Variants in DMD observed in about 807,000 individuals in gnomAD.
DMD encodes the protein dystrophin.
DMD carries 63 observed loss-of-function variants against 330.1 expected under a neutral mutation model. That is an observed-to-expected ratio of 0.19 (90% CI 0.16 to 0.24). DMD has a LOEUF of 0.24. Among genes scored for constraint, DMD ranks in the 10% least tolerant of loss-of-function variants. DMD has a pLI of 1.00. For synonymous variants in DMD, 1,223 were observed against 959.8 expected (o/e 1.27, Z -5.07); for missense variants, 3,344 against 2,684.1 (o/e 1.25, Z -5.43).
At chrX:31,230,825 C>T (rs769670682) in intron 63 of DMD, among the ~76,000 whole-genome samples, 1 of 111,964 alleles carries the variant, frequency 8.9e-6, no homozygotes, top group East Asian at 2.8e-4. Context: ...ATTTCTGGCT[C>T]CCTCCTCTTG....
chrX:32,342,944 T>C (rs1327307042), intron 40 of DMD, 190 bp downstream of exon 40: 8 of 495,935 alleles, frequency 1.6e-5, no homozygotes, highest in Non-Finnish European at 2.8e-5. Flanking sequence ...ATTTTATTCA[T>C]TCAACATTAC....
chrX:33,096,466 G>T lies in DMD; in HGVS notation c.32-76266C>A, dbSNP rs763850409. ...TTAAAATGTTTCAGAGAGATAATGC[G>T]ATCTGTTTGAAGCCATGCTATATTT... On this transcript the variant is annotated intron_variant, in intron 1 of 78. Coordinates refer to ENST00000357033, the MANE Select transcript of DMD (RefSeq NM_004006.3). 3.7e-5 allele frequency among the ~76,000 whole-genome samples: 4 copies of T among 109,498 alleles called. No individual in the cohort carries two copies. In the South Asian group the frequency reaches 1.5e-3, roughly 42 times the overall value.
At chrX:32,252,907 CATAAATATATATAGATAT>C (rs1173692839) in intron 43 of DMD, among the ~76,000 whole-genome samples, 6 of 63,054 alleles carry the variant, frequency 9.5e-5, no homozygotes, top group Non-Finnish European at 1.4e-4. Flanking sequence ...TAAATATATA[CATAAATATATATAGATAT>C]ATAAATATAT....
chrX:32,031,308 C>G (rs1025344155), intron 44 of DMD, among the ~76,000 whole-genome samples: 9 of 111,393 alleles, frequency 8.1e-5, no homozygotes, highest in African/African-American at 2.9e-4. Flanking sequence ...TCCCAGAAAC[C>G]TTTGCAGTAG....
At chrX:32,268,100 C>T (rs2124745) in intron 43 of DMD, among the ~76,000 whole-genome samples, 9 of 110,146 alleles carry the variant, frequency 8.2e-5, no homozygotes, top group African/African-American at 1.0e-4. Flanking sequence ...AACACAAATA[C>T]GCAGAAGAGT....
intron 7 of DMD, among the ~76,000 whole-genome samples, chrX:32,787,418 C>T (rs2075477468): frequency 9.1e-6 from 1 of 110,394 alleles, no homozygotes; most frequent in Admixed American, 9.7e-5. Context: ...GACCAGAAAA[C>T]CAGAATGAGT....
chrX:31,796,794 C>T (rs1055033929), intron 50 of DMD, among the ~76,000 whole-genome samples: 2 of 111,448 alleles, frequency 1.8e-5, no homozygotes, highest in Non-Finnish European at 3.8e-5. Context: ...TAATGCCCTT[C>T]CTGGGGGCAG....
chrX:32,620,284 C>G (rs1344757298), intron 11 of DMD, among the ~76,000 whole-genome samples: 4 of 111,935 alleles, frequency 3.6e-5, no homozygotes, highest in Non-Finnish European at 7.5e-5. Flanking sequence ...ACCACTCACA[C>G]TCTTCATATA....
At chrX:32,717,685 T>A (rs1000011193) in intron 7 of DMD, among the ~76,000 whole-genome samples, 14 of 110,694 alleles carry the variant, frequency 1.3e-4, no homozygotes, top group African/African-American at 4.6e-4. Context: ...GTCTCTCCAG[T>A]GACAGTTTGC....
intron 44 of DMD, among the ~76,000 whole-genome samples, chrX:32,054,193 C>CTT (rs752962567): frequency 1.0e-3 from 99 of 94,737 alleles, no homozygotes; most frequent in African/African-American, 3.5e-3. Flanking sequence ...GTATTTTCTT[C>CTT]TTTTTTTTTT....
intron 29 of DMD, among the ~76,000 whole-genome samples, chrX:32,424,182 A>G (rs2098202090): frequency 9.1e-6 from 1 of 110,279 alleles, no homozygotes; most frequent in Non-Finnish European, 1.9e-5. Context: ...GAGGTCTGCC[A>G]TAATAGTCTG....
intron 1 of DMD, among the ~76,000 whole-genome samples, chrX:33,240,994 T>C (rs73623931): frequency 0.17 from 18,772 of 111,540 alleles, 2,358 homozygotes; most frequent in African/African-American, 0.44. Flanking sequence ...AAATATTTCA[T>C]CCCATTCTGT....
At chrX:31,986,669 C>T (rs182462578) in intron 44 of DMD, among the ~76,000 whole-genome samples, 3 of 111,948 alleles carry the variant, frequency 2.7e-5, no homozygotes, top group African/African-American at 9.7e-5. Context: ...CTTGGCCTCC[C>T]GAAGTGCTGG....
intron 2 of DMD, among the ~76,000 whole-genome samples, chrX:32,852,014 C>T (rs560191286): frequency 9.0e-6 from 1 of 111,434 alleles, no homozygotes; most frequent in African/African-American, 3.3e-5. Flanking sequence ...GTCTTGGTGT[C>T]GTGCTGGACT....
intron 43 of DMD, among the ~76,000 whole-genome samples, chrX:32,239,284 C>T (rs1722362045): frequency 8.9e-6 from 1 of 112,118 alleles, no homozygotes; most frequent in African/African-American, 3.2e-5. Flanking sequence ...GCTATTTATA[C>T]TGCTTTATGA....
chrX:33,198,152 T>C (rs1260529147), intron 1 of DMD, among the ~76,000 whole-genome samples: 2 of 111,385 alleles, frequency 1.8e-5, no homozygotes, highest in Admixed American at 1.9e-4. Flanking sequence ...CATTGTAGTG[T>C]TAATTTGCAT....
chrX:31,562,419 C>T (rs964223463), intron 55 of DMD, among the ~76,000 whole-genome samples: 4 of 111,977 alleles, frequency 3.6e-5, no homozygotes, highest in African/African-American at 9.7e-5. Flanking sequence ...CAGCAATTTG[C>T]GTTTCATCTG....
At chrX:33,275,200 A>T (rs1033019551) in intron 1 of DMD, among the ~76,000 whole-genome samples, 5 of 112,240 alleles carry the variant, frequency 4.5e-5, no homozygotes, top group African/African-American at 1.6e-4. Flanking sequence ...AGCCTAGTAA[A>T]TGTCATTCTT....
chrX:31,493,975 G>T (rs754801725), intron 57 of DMD, among the ~76,000 whole-genome samples: 1 of 110,194 alleles, frequency 9.1e-6, no homozygotes, highest in Admixed American at 9.7e-5. Flanking sequence ...TGGCCAACAC[G>T]GTGAAACCCT....
Sources: gnomAD v4.1 joint callset for allele counts (sites outside exome capture counted in the v4.1 genomes callset) on GRCh38, gnomAD v4.1.1 for gene constraint, MANE v1.5 for transcripts, NCBI Gene and HGNC (gene_info 2026-07-23, HGNC 2026-07-21) for gene names.